Variants in PTPRM observed in about 807,000 individuals in gnomAD.
PTPRM encodes receptor-type tyrosine-protein phosphatase mu.
A neutral mutation model predicts 186.7 loss-of-function variants in PTPRM; 47 were observed. The observed-to-expected ratio is 0.25, with a 90% CI of 0.20 to 0.32. The LOEUF (loss-of-function observed/expected upper bound fraction) is 0.32, where lower values mean the gene tolerates loss of function less well. PTPRM is among the 10% of genes least tolerant of loss of function. The pLI is 1.00. For synonymous variants in PTPRM, 668 were observed against 674.9 expected, an observed-to-expected ratio of 0.99 and a Z score of 0.16; for missense variants, 1,494 against 1,865.0, an observed-to-expected ratio of 0.80 and a Z score of 3.66.
chr18:8,100,500 A>G (rs912532632), intron 11 of PTPRM, among the ~76,000 whole-genome samples: 19 of 152,186 alleles, frequency 1.2e-4, no homozygotes, highest in Non-Finnish European at 2.5e-4. Flanking sequence ...GATATCACTT[A>G]TCCCCAAGGA....
chr18:8,387,404 A>G (rs1290433620), intron 31 of PTPRM, among the ~76,000 whole-genome samples, 169 bp downstream of exon 31: 1 of 152,116 alleles, frequency 6.6e-6, no homozygotes, highest in Non-Finnish European at 1.5e-5. Context: ...TTCAGGAAAC[A>G]GGATATGCAC....
chr18:8,307,811 A>C (rs529417224), intron 20 of PTPRM, among the ~76,000 whole-genome samples: 2 of 151,580 alleles, frequency 1.3e-5, no homozygotes, highest in Non-Finnish European at 2.9e-5. Context: ...TCTCAAAAAA[A>C]AAAAATAAAA....
intron 1 of PTPRM, among the ~76,000 whole-genome samples, chr18:7,628,226 A>G (rs746029996): frequency 6.6e-6 from 1 of 152,194 alleles, no homozygotes; most frequent in Admixed American, 6.5e-5. Context: ...TCATTTCTGT[A>G]TACCAGACTG....
chr18:7,817,418 T>C (rs930842128), intron 2 of PTPRM, among the ~76,000 whole-genome samples: 1 of 152,244 alleles, frequency 6.6e-6, no homozygotes, highest in Non-Finnish European at 1.5e-5. Flanking sequence ...GTATTATGTG[T>C]AATAAGTTGA....
chr18:7,772,377 TTCTTTCTTTCTTTCTTTC>T (rs1303895224), intron 1 of PTPRM, among the ~76,000 whole-genome samples: 1 of 136,802 alleles, frequency 7.3e-6, no homozygotes, highest in Non-Finnish European at 1.6e-5. Context: ...CTTTCTTTCT[TTCTTTCTTTCTTTCTTTC>T]TTTCTTTCTT....
intron 23 of PTPRM, among the ~76,000 whole-genome samples, chr18:8,368,552 A>T (rs960863477): frequency 4.6e-5 from 7 of 152,158 alleles, no homozygotes; most frequent in Admixed American, 2.0e-4. Context: ...CTCCTAGCAT[A>T]TCTGGTTTAC....
At chr18:7,755,278 A>G (rs964205359) in intron 1 of PTPRM, 12 of 152,114 alleles carry the variant, frequency 7.9e-5, no homozygotes, top group African/African-American at 2.7e-4. Context: ...AGTAGGCTCT[A>G]TTGGAGGTGA....
At chr18:8,368,354 C>T (rs1346293067) in intron 23 of PTPRM, among the ~76,000 whole-genome samples, 1 of 151,874 alleles carries the variant, frequency 6.6e-6, no homozygotes. Context: ...TTGTAGGTCT[C>T]TCTTACTCTG....
At chr18:7,742,202 T>C (rs2144516404) in intron 1 of PTPRM, among the ~76,000 whole-genome samples, 1 of 152,350 alleles carries the variant, frequency 6.6e-6, no homozygotes, top group Admixed American at 6.5e-5. Context: ...TAAGGCATTA[T>C]ATACAGTTAA....
At chr18:8,061,692 T>G (rs1478702387) in intron 7 of PTPRM, among the ~76,000 whole-genome samples, 3 of 95,514 alleles carry the variant, frequency 3.1e-5, no homozygotes, top group African/African-American at 9.0e-5. Flanking sequence ...GTCTGTAAAG[T>G]ATTTTATTTC....
intron 30 of PTPRM, 99 bp downstream of exon 30, chr18:8,384,785 G>T (rs1452238300): frequency 8.7e-6 from 13 of 1,486,388 alleles, no homozygotes; most frequent in Non-Finnish European, 4.6e-6. Context: ...ACTGTTCCAG[G>T]AGTTTGGAGT....
intron 7 of PTPRM, among the ~76,000 whole-genome samples, chr18:8,014,900 A>T (rs1193619940): frequency 6.6e-6 from 1 of 152,002 alleles, no homozygotes; most frequent in East Asian, 1.9e-4. Flanking sequence ...TCAATTACAG[A>T]ATTTTTTTCA....
At chr18:8,014,068 T>C (rs998999222) in intron 7 of PTPRM, among the ~76,000 whole-genome samples, 11 of 152,182 alleles carry the variant, frequency 7.2e-5, no homozygotes, top group Non-Finnish European at 1.2e-4. Flanking sequence ...TTCTCTCTTT[T>C]TTAAAACAGA....
chr18:8,215,545 CT>C (rs11334182), intron 14 of PTPRM, among the ~76,000 whole-genome samples: 29,253 of 115,842 alleles, frequency 0.25, 2,487 homozygotes, highest in Middle Eastern at 0.43. Context: ...TCTTTCTTTT[CT>C]TTTTTTTTTT....
At chr18:7,928,059 T>A (rs1235311452) in intron 5 of PTPRM, among the ~76,000 whole-genome samples, 1 of 152,170 alleles carries the variant, frequency 6.6e-6, no homozygotes, top group Non-Finnish European at 1.5e-5. Flanking sequence ...ATTTTTATTC[T>A]TCTCTTTCTG....
At chr18:7,622,826 A>G (rs1247033761) in intron 1 of PTPRM, among the ~76,000 whole-genome samples, 1 of 152,174 alleles carries the variant, frequency 6.6e-6, no homozygotes, top group Non-Finnish European at 1.5e-5. Flanking sequence ...AGAGTGAAAT[A>G]CTTCACTAGG....
chr18:8,244,073 G>A lies in PTPRM; in HGVS notation c.2316G>A (p.Lys772=). The part of the protein sequence containing the change: ...LVMKKRKLAK[K]RKETMSSTRQ... ...TTATCCTAAGGAAACTGGCCAAGAA[G>A]CGGAAAGAGACCATGAGCAGCACCC... Residue 772 remains lysine, a synonymous_variant, in exon 15 of 33, where the codon AAG becomes AAA. Coordinates refer to ENST00000580170, the MANE Select transcript of PTPRM (RefSeq NM_001105244.2). The A allele has an allele frequency of 6.2e-7, 1 of 1,609,080 alleles. No individual in the cohort carries two copies. Among genetic ancestry groups the A allele is most frequent in the Non-Finnish European group, 8.5e-7 (1 of 1,178,524 alleles).
chr18:8,243,689 A>G (rs1157785403), intron 14 of PTPRM, among the ~76,000 whole-genome samples: 1 of 152,226 alleles, frequency 6.6e-6, no homozygotes, highest in Non-Finnish European at 1.5e-5. Flanking sequence ...TGTTGACAAT[A>G]ATTTCGTAAA....
chr18:8,107,947 A>G lies in PTPRM; in HGVS notation c.1857-5539A>G, dbSNP rs148069145. On this transcript the variant is annotated intron_variant, in intron 11 of 32. Coordinates refer to ENST00000580170, the MANE Select transcript of PTPRM (RefSeq NM_001105244.2). ...TCCAGTAATTGTAATTTGGTGACAT[A>G]TTTTTTAAAACTGAGTTTAGTTTTA... is the stretch of plus-strand genomic sequence containing the variant. Among the ~76,000 whole-genome samples, 18 of 152,270 alleles carry G rather than the reference A, an allele frequency of 1.2e-4. No individual in the cohort carries two copies. The East Asian group carries it at 2.7e-3, about 23-fold the overall frequency.
Sources: allele counts gnomAD v4.1 joint callset (sites outside exome capture counted in the v4.1 genomes callset), GRCh38; gene constraint gnomAD v4.1.1; transcripts MANE v1.5; gene names NCBI Gene and HGNC (gene_info 2026-07-23, HGNC 2026-07-21).